Variants in ERICH6 observed in about 807,000 individuals in gnomAD.
ERICH6 encodes the protein glutamate rich 6, also known as glutamate-rich protein 6.
A neutral mutation model predicts 71.0 loss-of-function variants in ERICH6; 71 were observed. The observed-to-expected ratio is 1.00, with a 90% CI of 0.83 to 1.22. The LOEUF (loss-of-function observed/expected upper bound fraction) is 1.22. Ranked by LOEUF, ERICH6 falls within the 50% of genes most tolerant of loss-of-function variation. ERICH6 has a pLI of 0.00. For synonymous variants in ERICH6, 262 were observed against 278.4 expected (o/e 0.94, Z 0.59); for missense variants, 808 against 797.2 (o/e 1.01, Z -0.16).
At chr3:150,702,268 GA>G in intron 1 of ERICH6, 90 bp from the exon 2 acceptor site, 2 of 343,054 alleles carry the variant, frequency 5.8e-6, no homozygotes, top group South Asian at 3.1e-5. Flanking sequence ...AATGTCTGGA[GA>G]CTTTTTTTTT....
intron 2 of ERICH6, among the ~76,000 whole-genome samples, chr3:150,700,665 C>T (rs932268573): frequency 6.6e-6 from 1 of 151,984 alleles, no homozygotes; most frequent in African/African-American, 2.4e-5. Context: ...CTCACTGCAA[C>T]CTCCACCTCC....
intron 3 of ERICH6, among the ~76,000 whole-genome samples, chr3:150,691,749 G>T (rs188383473): frequency 6.6e-6 from 1 of 152,150 alleles, no homozygotes; most frequent in South Asian, 2.1e-4. Context: ...TATTACATCT[G>T]TGTATCCTTC....
rs770279340 is a variant in ERICH6 at position 150,666,831 on chromosome 3, C to A, written c.1684G>T (p.Ala562Ser). Residue 562 changes from alanine (A) to serine (S), a missense_variant, in exon 13 of 14, where the codon GCA becomes TCA. Ala to Ser is a moderately conservative substitution (Grantham distance 99). Transcript: ENST00000295910. ...CTGATTCTTGCCTGTTGGCCCATTG[C>A]TAGAAAAGTTATAGAAATCTTGTCT... ...EQDKISITFLAMGQQARISVG... is the reference protein window; with the variant it reads ...EQDKISITFLSMGQQARISVG... 46 of 1,614,028 alleles carry A rather than the reference C, an allele frequency of 2.9e-5. No homozygotes were observed. Among genetic ancestry groups the A allele is most frequent in the Non-Finnish European group, 3.7e-5 (44 of 1,180,044 alleles).
At chr3:150,695,872 GGT>G (rs1437800872) in intron 3 of ERICH6, among the ~76,000 whole-genome samples, 1 of 151,376 alleles carries the variant, frequency 6.6e-6, no homozygotes, top group Non-Finnish European at 1.5e-5. Flanking sequence ...ATATTAAAAA[GGT>G]ATCAATTATT....
At chr3:150,701,470 T>A (rs1480154837) in intron 2 of ERICH6, among the ~76,000 whole-genome samples, 5 of 152,210 alleles carry the variant, frequency 3.3e-5, no homozygotes, top group Admixed American at 2.6e-4. Context: ...TTGATTTTTT[T>A]AACCACATGT....
chr3:150,683,339 G>A (rs1006558412), intron 6 of ERICH6, among the ~76,000 whole-genome samples: 8 of 152,216 alleles, frequency 5.3e-5, no homozygotes, highest in African/African-American at 9.6e-5. Context: ...TGATGGAGTA[G>A]GACAGAAAGA....
In ERICH6 at chr3:150,669,308, T is replaced by C. The variant is rs149475266; in HGVS notation, c.1487A>G (p.Asn496Ser). 517 of 1,605,708 alleles carry C rather than the reference T, an allele frequency of 3.2e-4. No individual in the cohort carries two copies. Among genetic ancestry groups the C allele is most frequent in the Middle Eastern group, 1.5e-3 (9 of 6,034 alleles). The change falls in exon 12 of 14, where the codon AAT becomes AGT. Residue 496 changes from asparagine (N) to serine (S), a missense_variant. Coordinates refer to ENST00000295910, the MANE Select transcript of ERICH6 (RefSeq NM_152394.5). ...CCTAGAAGCTTACCAGACATTTCCA[T>C]TGGGATGATAGCAGGAACTTCTGCC... ...SSGRSSCYHP[N>S]GNVWVYINIL...
At chr3:150,703,348 T>G in intron 1 of ERICH6, 148 bp downstream of exon 1, 1 of 1,399,130 alleles carries the variant, frequency 7.1e-7, no homozygotes, top group Non-Finnish European at 9.3e-7. Context: ...GACAAGGGCG[T>G]GAGAGAGATT....
Position 150,673,891 on chromosome 3 carries a change from T to C in ERICH6, c.1343+65A>G. On this transcript the variant is annotated intron_variant, in intron 11 of 13. Transcript: ENST00000295910. ...CCACTGCACCCAACCATGTATTTCCTTCCTTGAGCTTTCTTTTTTTTGAAG... is the reference window on the plus strand; with the variant it reads ...CCACTGCACCCAACCATGTATTTCCCTCCTTGAGCTTTCTTTTTTTTGAAG... 6 of 1,521,826 alleles carry C rather than the reference T, an allele frequency of 3.9e-6. No homozygotes were observed. In the South Asian group the frequency reaches 6.8e-5, roughly 17 times the overall value. 94.3% of individuals were successfully genotyped at this position (1,521,826 alleles called of 1,614,324 possible).
At chr3:150,692,802 T>A (rs1280884956) in intron 3 of ERICH6, among the ~76,000 whole-genome samples, 2 of 152,152 alleles carry the variant, frequency 1.3e-5, no homozygotes, top group East Asian at 1.9e-4. Flanking sequence ...ATTGTTATCT[T>A]GTTTTGGTGC....
At chr3:150,696,167 T>A (rs1712650198) in intron 3 of ERICH6, among the ~76,000 whole-genome samples, 1 of 152,112 alleles carries the variant, frequency 6.6e-6, no homozygotes, top group African/African-American at 2.4e-5. Flanking sequence ...ATATATTTGA[T>A]AATTTAGTAT....
At chr3:150,687,812 A>G (rs2108067439) in intron 3 of ERICH6, among the ~76,000 whole-genome samples, 1 of 152,328 alleles carries the variant, frequency 6.6e-6, no homozygotes, top group East Asian at 1.9e-4. Context: ...TGTTGGAGAC[A>G]GATAGGCTTC....
At chr3:150,691,246 A>C (rs945357935) in intron 3 of ERICH6, among the ~76,000 whole-genome samples, 1 of 152,230 alleles carries the variant, frequency 6.6e-6, no homozygotes, top group Admixed American at 6.5e-5. Context: ...AGATGAACTC[A>C]TTATAATTTA....
intron 10 of ERICH6, among the ~76,000 whole-genome samples, chr3:150,674,311 G>A (rs770133975): frequency 1.1e-3 from 159 of 147,022 alleles, no homozygotes; most frequent in Non-Finnish European, 2.0e-3. Flanking sequence ...CTTTATACAC[G>A]TTACTAAAAG....
At position 150,685,832 on chromosome 3, in the gene ERICH6, G is replaced by C. The variant is rs149996868; in HGVS notation, c.693C>G (p.Phe231Leu). 28 of 1,614,070 alleles carry C rather than the reference G, an allele frequency of 1.7e-5. No homozygotes were observed. In the East Asian group the frequency reaches 4.0e-4, roughly 23 times the overall value. Residue 231 changes from phenylalanine to leucine, a missense_variant, in exon 6 of 14, where the codon TTC becomes TTG. This residue lies in a region of ERICH6 where 736 missense variants were observed against 712.2 expected (regional missense o/e 1.03). Coordinates refer to ENST00000295910, the MANE Select transcript of ERICH6 (RefSeq NM_152394.5). Reference sequence around the variant, plus strand: ...TGGGTAACGTTCTTAGAGAAGGCTCGAACAGTGTTATGAAGTCTTCCTTAA... The same window carrying C: ...TGGGTAACGTTCTTAGAGAAGGCTCCAACAGTGTTATGAAGTCTTCCTTAA... Reference protein sequence around the residue: ...LEFKEDFITLFEPSLRTLPSI... With the variant: ...LEFKEDFITLLEPSLRTLPSI...
Position 150,698,884 on chromosome 3 carries a change from T to C in ERICH6, c.462-2A>G. ...GGAGACAAATTGCGATGAATATTTCTGAAATTTCGACAAAAATGTTTTGAG... is the reference window on the plus strand; with the variant it reads ...GGAGACAAATTGCGATGAATATTTCCGAAATTTCGACAAAAATGTTTTGAG... On this transcript the variant is annotated splice_acceptor_variant, in intron 2 of 13. Coordinates refer to ENST00000295910, the MANE Select transcript of ERICH6 (RefSeq NM_152394.5). LOFTEE classifies it high-confidence loss of function. 1.2e-6 allele frequency: 2 copies of C among 1,612,008 alleles called. No homozygotes were observed. The highest frequency in any genetic ancestry group is 8.5e-7 in the Non-Finnish European group (1 of 1,178,274).
intron 3 of ERICH6, among the ~76,000 whole-genome samples, chr3:150,697,212 T>C (rs1712687530): frequency 1.3e-5 from 2 of 152,188 alleles, no homozygotes; most frequent in Non-Finnish European, 2.9e-5. Flanking sequence ...CACTTTTATA[T>C]GGATACAAAA....
At chr3:150,701,490 C>G (rs938866634) in intron 2 of ERICH6, among the ~76,000 whole-genome samples, 1 of 152,076 alleles carries the variant, frequency 6.6e-6, no homozygotes, top group Non-Finnish European at 1.5e-5. Context: ...TATACATTAT[C>G]TTTATTACAA....
At chr3:150,671,172 CT>C (rs1209449982) in intron 11 of ERICH6, among the ~76,000 whole-genome samples, 2 of 152,142 alleles carry the variant, frequency 1.3e-5, no homozygotes, top group Admixed American at 1.3e-4. Context: ...CCTACACACT[CT>C]CATAAGGTCT....
Sources: gnomAD v4.1 joint callset for allele counts (sites outside exome capture counted in the v4.1 genomes callset) on GRCh38, gnomAD v4.1.1 for gene constraint, gnomAD v4.1.1 regional missense constraint, MANE v1.5 for transcripts, NCBI Gene and HGNC (gene_info 2026-07-23, HGNC 2026-07-21) for gene names.